The following PIEZO2 variants were observed in gnomAD, a reference collection of about 807,000 sequenced individuals.
The protein encoded by PIEZO2 is piezo type mechanosensitive ion channel component 2.
Under a neutral mutation model 337.3 loss-of-function variants are expected in PIEZO2, and 172 were observed. The observed-to-expected ratio is 0.51, with a 90% CI of 0.45 to 0.58. PIEZO2 has a LOEUF of 0.58. Among genes scored for constraint, PIEZO2 ranks in the 20% least tolerant of loss-of-function variants. The pLI is 0.00. For missense variants in PIEZO2, 3,028 were observed against 3,391.3 expected (o/e 0.89, Z 2.66); for synonymous variants, 1,251 against 1,228.5 (o/e 1.02, Z -0.38).
rs2036784931 is a variant in PIEZO2, at chr18:11,032,710, T to G, written c.160+33417A>C. Among the ~76,000 whole-genome samples, 1 of 152,048 alleles carries G rather than the reference T, an allele frequency of 6.6e-6. No homozygotes were observed. Among genetic ancestry groups the G allele is most frequent in the Admixed American group, 6.5e-5 (1 of 15,284 alleles). ...ACAGTAGCAGAAATCTCTCTATGCATGTGTGTGTGTGAATATGTGCACACA... is the reference window on the plus strand; with the variant it reads ...ACAGTAGCAGAAATCTCTCTATGCAGGTGTGTGTGTGAATATGTGCACACA... On this transcript the variant is annotated intron_variant, in intron 2 of 55. Coordinates refer to ENST00000674853, the MANE Select transcript of PIEZO2 (RefSeq NM_001378183.1). The surrounding 1 kb of genome is among the most constrained non-coding windows in gnomAD (Gnocchi z 4.9).
intron 27 of PIEZO2, among the ~76,000 whole-genome samples, chr18:10,754,500 TA>T (rs1181598787): frequency 6.6e-6 from 1 of 152,216 alleles, no homozygotes; most frequent in African/African-American, 2.4e-5. Context: ...AAATTTGAAA[TA>T]ACTAAAACAA....
intron 1 of PIEZO2, among the ~76,000 whole-genome samples, chr18:11,130,417 C>T (rs1354877843): frequency 6.6e-6 from 1 of 152,230 alleles, no homozygotes; most frequent in Non-Finnish European, 1.5e-5. Flanking sequence ...GCTGGCAAGG[C>T]CAGCAATATA....
At chr18:10,972,886 C>G (rs1598765405) in intron 3 of PIEZO2, among the ~76,000 whole-genome samples, 1 of 152,094 alleles carries the variant, frequency 6.6e-6, no homozygotes, top group African/African-American at 2.4e-5. Context: ...AGCACAGTCC[C>G]AAGGGCATGG....
chr18:10,760,014 A>G lies in PIEZO2; in HGVS notation c.3451-105T>C, dbSNP rs984303878. 1.7e-4 allele frequency: 168 copies of G among 983,972 alleles called. 1 individual carries two copies. The East Asian group carries it at 4.4e-3, about 26-fold the overall frequency. 61.0% of individuals were successfully genotyped at this position (983,972 alleles called of 1,614,324 possible). ...TAGATGGCGGAGACCCATGTCCCTC[A>G]GGGCAAGTCTGTCTGCACAGATTCA... On this transcript the variant is annotated intron_variant, in intron 24 of 55. Coordinates refer to ENST00000674853, the MANE Select transcript of PIEZO2 (RefSeq NM_001378183.1).
In PIEZO2 at chr18:10,824,481, C is replaced by T. The variant is rs1357405572; in HGVS notation, c.918-17207G>A. ...GGCTATGAACAGTAATAGTGCAAAG[C>T]TAATAAAATTTTAAATGAACATGAC... On this transcript the variant is annotated intron_variant, in intron 7 of 55. Coordinates refer to ENST00000674853, the MANE Select transcript of PIEZO2 (RefSeq NM_001378183.1). The surrounding 1 kb of genome is among the most constrained non-coding windows in gnomAD (Gnocchi z 4.4). Among the ~76,000 whole-genome samples the T allele has an allele frequency of 1.4e-4, 21 of 151,910 alleles. No individual in the cohort carries two copies. The highest frequency in any genetic ancestry group is 1.3e-3 in the Admixed American group (20 of 15,262).
rs1478400366 is a variant in PIEZO2, at chr18:10,945,216, G to A, written c.287-33988C>T. On this transcript the variant is annotated intron_variant, in intron 3 of 55. Transcript: ENST00000674853. This position sits in a 1 kb window ranked among gnomAD's most constrained non-coding sequence, Gnocchi z 4.0. ...TTTTTTAGAGACAAGATGTCTCTCT[G>A]TCACTCAGGCTGGAGTGCAGTGGCA... Among the ~76,000 whole-genome samples the A allele has an allele frequency of 1.3e-5, 2 of 152,120 alleles. No individual in the cohort carries two copies. Among genetic ancestry groups the A allele is most frequent in the South Asian group, 2.1e-4 (1 of 4,826 alleles).
rs1471164424 is a variant in PIEZO2, at chr18:11,097,698, AT to A, written c.65-31477del. Among the ~76,000 whole-genome samples the A allele has an allele frequency of 6.6e-6, 1 of 152,206 alleles. No homozygotes were observed. Among genetic ancestry groups the A allele is most frequent in the African/African-American group, 2.4e-5 (1 of 41,448 alleles). On this transcript the variant is annotated intron_variant, in intron 1 of 55. Coordinates refer to ENST00000674853, the MANE Select transcript of PIEZO2 (RefSeq NM_001378183.1). The surrounding 1 kb of genome is among the most constrained non-coding windows in gnomAD (Gnocchi z 5.0). Reference sequence around the variant, plus strand: ...ACCTGACTGTATTTTCTGTATACTTATTGTATGAACACTTGATTAGCCATTA... The same window carrying A: ...ACCTGACTGTATTTTCTGTATACTTATGTATGAACACTTGATTAGCCATTA...
chr18:11,075,455 T>G (rs1259583090), intron 1 of PIEZO2, among the ~76,000 whole-genome samples: 2 of 152,218 alleles, frequency 1.3e-5, no homozygotes, highest in Non-Finnish European at 2.9e-5. Context: ...CCCCATTATC[T>G]ACTCTGTGTT....
intron 2 of PIEZO2, among the ~76,000 whole-genome samples, chr18:11,017,804 T>C (rs1057329791): frequency 2.6e-5 from 4 of 152,152 alleles, no homozygotes; most frequent in African/African-American, 9.7e-5. Context: ...GGCATTGTAT[T>C]AGTTTCTTAC....
intron 7 of PIEZO2, among the ~76,000 whole-genome samples, chr18:10,818,623 C>G (rs2040433179): frequency 6.6e-6 from 1 of 152,090 alleles, no homozygotes; most frequent in Non-Finnish European, 1.5e-5. Flanking sequence ...TGCTAAATCA[C>G]TAAAAATTCT....
intron 3 of PIEZO2, among the ~76,000 whole-genome samples, chr18:10,950,767 T>G (rs1363344695): frequency 6.6e-6 from 1 of 152,178 alleles, no homozygotes; most frequent in Non-Finnish European, 1.5e-5. Flanking sequence ...CGTACCGGCC[T>G]TACACTGTTT....
At chr18:10,779,603 T>C (rs2038907599) in intron 18 of PIEZO2, among the ~76,000 whole-genome samples, 1 of 152,244 alleles carries the variant, frequency 6.6e-6, no homozygotes. Context: ...AATCTGGTGA[T>C]GTAAAATATC....
At chr18:10,710,701 C>T (rs1298313730) in intron 39 of PIEZO2, among the ~76,000 whole-genome samples, 1 of 152,232 alleles carries the variant, frequency 6.6e-6, no homozygotes, top group Non-Finnish European at 1.5e-5. Flanking sequence ...ACTGGCCACA[C>T]TGGGTGAGCA....
At chr18:11,046,645 T>A (rs546581012) in intron 2 of PIEZO2, among the ~76,000 whole-genome samples, 2 of 152,268 alleles carry the variant, frequency 1.3e-5, no homozygotes, top group Non-Finnish European at 2.9e-5. Flanking sequence ...AGCCACTTTC[T>A]GGGCTCCCTC....
Position 10,992,959 on chromosome 18 carries a change from T to G in PIEZO2, c.161-13299A>C, listed in dbSNP as rs138206788. Among the ~76,000 whole-genome samples, 1,352 of 152,310 alleles carry G rather than the reference T, an allele frequency of 8.9e-3. 59 individuals carry two copies. Among genetic ancestry groups the G allele is most frequent in the Admixed American group, 0.078 (1,198 of 15,280 alleles). ...AGGTCTTCACATCCCTTGTAAGTTG[T>G]ATTCCTAGGTATTTTATTCTCTTTG... On this transcript the variant is annotated intron_variant, in intron 2 of 55. Coordinates refer to ENST00000674853, the MANE Select transcript of PIEZO2 (RefSeq NM_001378183.1).
rs140298461 is a variant in PIEZO2 at position 10,694,977 on chromosome 18, C to T, written c.7190+1097G>A. Among the ~76,000 whole-genome samples, 9 of 152,298 alleles carry T rather than the reference C, an allele frequency of 5.9e-5. No homozygotes were observed. In the East Asian group the frequency reaches 1.5e-3, roughly 26 times the overall value. On this transcript the variant is annotated intron_variant, in intron 47 of 55. Coordinates refer to ENST00000674853, the MANE Select transcript of PIEZO2 (RefSeq NM_001378183.1). ...GGTATGTGGCTCCCCAGGCCAGTGACGAAGAGTTATAGTTTGCTTGTGTAC... is the reference window on the plus strand; with the variant it reads ...GGTATGTGGCTCCCCAGGCCAGTGATGAAGAGTTATAGTTTGCTTGTGTAC...
In PIEZO2 at chr18:10,980,221, A is replaced by G. The variant is rs557903646; in HGVS notation, c.161-561T>C. ...ATAGGTTAAGGTTTATTATAGAAAA[A>G]CCCTAAAAGTATAGTTAACATTAAC... On this transcript the variant is annotated intron_variant, in intron 2 of 55. Transcript: ENST00000674853. This position sits in a 1 kb window ranked among gnomAD's most constrained non-coding sequence, Gnocchi z 4.8. Among the ~76,000 whole-genome samples the G allele has an allele frequency of 6.6e-6, 1 of 152,268 alleles. No individual in the cohort carries two copies. Among genetic ancestry groups the G allele is most frequent in the South Asian group, 2.1e-4 (1 of 4,826 alleles).
rs992903380 is a variant in PIEZO2, at chr18:11,111,768, A to T, written c.64+36757T>A. Among the ~76,000 whole-genome samples the T allele has an allele frequency of 1.6e-4, 25 of 152,250 alleles. No homozygotes were observed. Among genetic ancestry groups the T allele is most frequent in the Non-Finnish European group, 2.9e-4 (20 of 68,046 alleles). ...GCACCAGTCTGCACCGAAAGCGTGC[A>T]CAGTAGAAACCTGGCTCCTTCCAGG... On this transcript the variant is annotated intron_variant, in intron 1 of 55. Transcript: ENST00000674853. The surrounding 1 kb of genome is among the most constrained non-coding windows in gnomAD (Gnocchi z 6.2).
rs562873633 is a variant in PIEZO2, at chr18:10,942,197, T to G, written c.287-30969A>C. Among the ~76,000 whole-genome samples the G allele has an allele frequency of 6.6e-6, 1 of 152,194 alleles. No homozygotes were observed. The highest frequency in any genetic ancestry group is 2.4e-5 in the African/African-American group (1 of 41,536). On this transcript the variant is annotated intron_variant, in intron 3 of 55. Coordinates refer to ENST00000674853, the MANE Select transcript of PIEZO2 (RefSeq NM_001378183.1). The surrounding 1 kb of genome is among the most constrained non-coding windows in gnomAD (Gnocchi z 4.4). ...AACTAATTCAGTAAATTGGTACCAG[T>G]AGGGTGGGGCGCTGCTGAAAAGATA...
Sources: gnomAD v4.1 joint callset for allele counts (sites outside exome capture counted in the v4.1 genomes callset) on GRCh38, gnomAD v4.1.1 for gene constraint, Gnocchi (gnomAD v3.1) non-coding constraint, MANE v1.5 for transcripts, NCBI Gene and HGNC (gene_info 2026-07-23, HGNC 2026-07-21) for gene names.